The following TRAPPC9 variants were observed in gnomAD, a reference collection of about 807,000 sequenced individuals.
The protein encoded by TRAPPC9 is IKK2 binding protein.
A neutral mutation model predicts 124.0 loss-of-function variants in TRAPPC9; 83 were observed. The ratio of observed to expected loss-of-function variants is 0.67; its 90% confidence interval spans 0.56 to 0.80. The LOEUF (loss-of-function observed/expected upper bound fraction) is 0.80, where lower values mean the gene tolerates loss of function less well. TRAPPC9 is among the 30% of genes least tolerant of loss of function. The pLI is 0.00. For synonymous variants in TRAPPC9, 638 were observed against 617.5 expected, an observed-to-expected ratio of 1.03 and a Z score of -0.49; for missense variants, 1,302 against 1,508.3, an observed-to-expected ratio of 0.86 and a Z score of 2.27.
At chr8:139,809,233 A>G (rs943370687) in intron 21 of TRAPPC9, among the ~76,000 whole-genome samples, 8 of 152,378 alleles carry the variant, frequency 5.3e-5, no homozygotes, top group Admixed American at 5.2e-4. Flanking sequence ...CATTTCTGAA[A>G]CTGACTTCAC....
chr8:139,946,855 C>T (rs968680896), intron 19 of TRAPPC9, among the ~76,000 whole-genome samples: 10 of 151,794 alleles, frequency 6.6e-5, no homozygotes, highest in East Asian at 3.9e-4. Context: ...GGCATGGTGG[C>T]GGGCGCCTCT....
At chr8:140,268,737 G>A (rs533045778) in intron 15 of TRAPPC9, among the ~76,000 whole-genome samples, 7 of 152,162 alleles carry the variant, frequency 4.6e-5, no homozygotes, top group Non-Finnish European at 1.0e-4. Flanking sequence ...CTGGGGACCC[G>A]ACTGGAGAGA....
intron 9 of TRAPPC9, among the ~76,000 whole-genome samples, chr8:140,321,489 T>C (rs1333036044): frequency 6.6e-6 from 1 of 152,194 alleles, no homozygotes; most frequent in Non-Finnish European, 1.5e-5. Flanking sequence ...AAGGGGCTTC[T>C]TGAAAAATCC....
At chr8:140,359,032 T>C (rs1277327289) in intron 9 of TRAPPC9, among the ~76,000 whole-genome samples, 1 of 151,994 alleles carries the variant, frequency 6.6e-6, no homozygotes, top group East Asian at 1.9e-4. Context: ...TCACCCAGGG[T>C]AGACTGCATT....
chr8:140,352,420 G>C (rs1241125814), intron 9 of TRAPPC9, among the ~76,000 whole-genome samples: 4 of 152,242 alleles, frequency 2.6e-5, no homozygotes, highest in African/African-American at 9.6e-5. Context: ...AGGTCTACCA[G>C]CAAGTCAGAT....
chr8:140,011,670 ATTTTTTTT>A (rs56884853), intron 18 of TRAPPC9, among the ~76,000 whole-genome samples: 2 of 62,650 alleles, frequency 3.2e-5, no homozygotes, highest in South Asian at 1.5e-3. Flanking sequence ...CACCCAGCTA[ATTTTTTTT>A]TTTTTTTTTT....
At chr8:140,327,366 A>G (rs748347633) in intron 9 of TRAPPC9, among the ~76,000 whole-genome samples, 3 of 152,188 alleles carry the variant, frequency 2.0e-5, no homozygotes, top group Non-Finnish European at 4.4e-5. Context: ...CAAAAAGTTA[A>G]GCATAGAATT....
At chr8:140,043,176 G>A (rs994555067) in intron 17 of TRAPPC9, among the ~76,000 whole-genome samples, 9 of 152,194 alleles carry the variant, frequency 5.9e-5, no homozygotes, top group Non-Finnish European at 1.2e-4. Flanking sequence ...GCTGAATCCA[G>A]CATCTAGAAT....
At chr8:140,176,458 C>G (rs1216289374) in intron 17 of TRAPPC9, among the ~76,000 whole-genome samples, 2 of 152,186 alleles carry the variant, frequency 1.3e-5, no homozygotes, top group Non-Finnish European at 2.9e-5. Flanking sequence ...CAGACAGTAA[C>G]GTTTCTGAGA....
intron 19 of TRAPPC9, among the ~76,000 whole-genome samples, chr8:139,941,085 C>G (rs934560518): frequency 6.6e-6 from 1 of 152,172 alleles, no homozygotes; most frequent in African/African-American, 2.4e-5. Flanking sequence ...TTGGCATGGG[C>G]AAATGGAAAT....
At chr8:139,901,676 T>G (rs927978515) in intron 20 of TRAPPC9, among the ~76,000 whole-genome samples, 3 of 152,216 alleles carry the variant, frequency 2.0e-5, no homozygotes, top group Non-Finnish European at 4.4e-5. Flanking sequence ...GCCATCTCCA[T>G]AGGCTTCCTC....
intron 21 of TRAPPC9, among the ~76,000 whole-genome samples, chr8:139,741,209 C>T (rs920755370): frequency 1.2e-4 from 19 of 152,200 alleles, no homozygotes; most frequent in Admixed American, 2.6e-4. Context: ...ATGCCCCCTC[C>T]CCTGGGCGTG....
At chr8:140,055,261 G>T (rs1842231732) in intron 17 of TRAPPC9, among the ~76,000 whole-genome samples, 1 of 151,978 alleles carries the variant, frequency 6.6e-6, no homozygotes, top group African/African-American at 2.4e-5. Context: ...AAAATAAAGG[G>T]CAAAATCACA....
chr8:140,283,907 A>G lies in TRAPPC9; in HGVS notation c.2096T>C (p.Ile699Thr). The G allele has an allele frequency of 6.2e-7, 1 of 1,613,866 alleles. No homozygotes were observed. The highest frequency in any genetic ancestry group is 8.5e-7 in the Non-Finnish European group (1 of 1,179,994). Reference sequence around the variant, plus strand: ...ACACTACCTGGGCAGAGAGGTGCTGATCTGCAGTCTTGGCAACGCGGGAAT... The same window carrying G: ...ACACTACCTGGGCAGAGAGGTGCTGGTCTGCAGTCTTGGCAACGCGGGAAT... ...EVIPALPRLQ[I>T]STSLPRSAHS... The change falls in exon 14 of 23, where the codon ATC (isoleucine) becomes ACC (threonine). Residue 699 changes from isoleucine to threonine, a missense_variant. By Grantham distance (89) the Ile-to-Thr change is moderately conservative. This residue lies in a region of TRAPPC9 where 640 missense variants were observed against 679.3 expected (regional missense o/e 0.94). Coordinates refer to ENST00000438773, the MANE Select transcript of TRAPPC9 (RefSeq NM_001160372.4).
At chr8:140,351,840 T>A (rs1471534310) in intron 9 of TRAPPC9, among the ~76,000 whole-genome samples, 1 of 152,186 alleles carries the variant, frequency 6.6e-6, no homozygotes, top group South Asian at 2.1e-4. Flanking sequence ...CAGAGAGGTC[T>A]GCTAGAGACT....
chr8:140,087,801 C>T lies in TRAPPC9; in HGVS notation c.2557-63722G>A, dbSNP rs562070836. Among the ~76,000 whole-genome samples, 513 of 152,238 alleles carry T rather than the reference C, an allele frequency of 3.4e-3. 1 individual carries two copies. The highest frequency in any genetic ancestry group is 5.7e-3 in the Non-Finnish European group (390 of 68,022). ...AGCAGTCACAGTGACCATTCTCATG[C>T]ATGACGAGCAACCGCACCATTCCCT... On this transcript the variant is annotated intron_variant, in intron 17 of 22. Coordinates refer to ENST00000438773, the MANE Select transcript of TRAPPC9 (RefSeq NM_001160372.4). The surrounding 1 kb of genome is among the most constrained non-coding windows in gnomAD (Gnocchi z 4.6).
chr8:140,279,483 T>C (rs750128343), intron 14 of TRAPPC9, among the ~76,000 whole-genome samples: 2 of 152,238 alleles, frequency 1.3e-5, no homozygotes, highest in Non-Finnish European at 2.9e-5. Context: ...ATACATTATA[T>C]ACAATTTTTT....
At chr8:139,845,091 T>C (rs1826988388) in intron 21 of TRAPPC9, among the ~76,000 whole-genome samples, 1 of 152,218 alleles carries the variant, frequency 6.6e-6, no homozygotes, top group African/African-American at 2.4e-5. Flanking sequence ...GAGCTGAGTT[T>C]CTCCAATTTG....
chr8:139,822,667 G>A (rs1426329467), intron 21 of TRAPPC9, among the ~76,000 whole-genome samples: 3 of 152,224 alleles, frequency 2.0e-5, no homozygotes, highest in Admixed American at 6.5e-5. Flanking sequence ...CAGCAGAGGG[G>A]CTGCCATCTG....
Sources: gnomAD v4.1 joint callset for allele counts (sites outside exome capture counted in the v4.1 genomes callset) on GRCh38, gnomAD v4.1.1 for gene constraint, gnomAD v4.1.1 regional missense constraint, Gnocchi (gnomAD v3.1) non-coding constraint, MANE v1.5 for transcripts, NCBI Gene and HGNC (gene_info 2026-07-23, HGNC 2026-07-21) for gene names.